Variants in SPOPL observed in about 807,000 individuals in gnomAD.
The protein encoded by SPOPL is speckle-type POZ protein-like.
In SPOPL, 23 loss-of-function variants were observed where a neutral mutation model predicts 53.8. The observed-to-expected ratio is 0.43, with a 90% confidence interval of 0.31 to 0.61. The LOEUF is 0.61. Among genes scored for constraint, SPOPL ranks in the 20% least tolerant of loss-of-function variants. The pLI is 0.12. For missense variants in SPOPL, 442 were observed against 466.9 expected, an observed-to-expected ratio of 0.95 and a Z score of 0.49; for synonymous variants, 164 against 149.7, an observed-to-expected ratio of 1.10 and a Z score of -0.70.
At chr2:138,503,716 AAAC>A (rs1306367492) in intron 1 of SPOPL, among the ~76,000 whole-genome samples, 2 of 152,196 alleles carry the variant, frequency 1.3e-5, no homozygotes, top group Non-Finnish European at 2.9e-5. Context: ...TTTTGAGAAT[AAAC>A]AAAGTGAAAG....
In SPOPL at chr2:138,568,929, T is replaced by C; in HGVS notation, c.1035-7T>C. The C allele has an allele frequency of 1.9e-6, 3 of 1,613,560 alleles. No individual in the cohort carries two copies. Among genetic ancestry groups the C allele is most frequent in the Non-Finnish European group, 2.5e-6 (3 of 1,179,730 alleles). The stretch of plus-strand genomic sequence containing the variant: ...TTTAGTAAATATCTTTTAATTCTAT[T>C]TTTCAGCCAAGCAACCGACATAATG... On this transcript the variant is annotated splice_region_variant and splice_polypyrimidine_tract_variant and intron_variant, in intron 10 of 10. Coordinates refer to ENST00000280098, the MANE Select transcript of SPOPL (RefSeq NM_001001664.3).
At chr2:138,519,676 G>T (rs1684516452) in intron 1 of SPOPL, among the ~76,000 whole-genome samples, 1 of 152,098 alleles carries the variant, frequency 6.6e-6, no homozygotes, top group South Asian at 2.1e-4. Flanking sequence ...CACCTGTAGT[G>T]CCAGCTACAT....
intron 1 of SPOPL, among the ~76,000 whole-genome samples, chr2:138,512,636 T>C (rs1328615602): frequency 6.6e-6 from 1 of 152,142 alleles, no homozygotes; most frequent in African/African-American, 2.4e-5. Context: ...AAATATAATA[T>C]TTTCGTATAC....
At chr2:138,510,434 T>C (rs192558359) in intron 1 of SPOPL, among the ~76,000 whole-genome samples, 2 of 152,364 alleles carry the variant, frequency 1.3e-5, no homozygotes, top group South Asian at 2.1e-4. Context: ...TTATGTCTAG[T>C]TGATTGATAG....
At position 138,541,516 on chromosome 2, in the gene SPOPL, C is replaced by G. The variant is rs190844999; in HGVS notation, c.-60-8641C>G. On this transcript the variant is annotated intron_variant, in intron 1 of 10. Transcript: ENST00000280098. ...AATTCATCCATTTCTTCTAGATTTT[C>G]TAGTTTATTTGCATAGAGGTGTTTA... Among the ~76,000 whole-genome samples the G allele has an allele frequency of 4.4e-3, 672 of 152,282 alleles. 6 individuals carry two copies. Among genetic ancestry groups the G allele is most frequent in the Non-Finnish European group, 5.8e-3 (396 of 68,036 alleles).
At chr2:138,561,056 A>C (rs573206694) in intron 8 of SPOPL, 129 bp downstream of exon 8, 5 of 1,123,858 alleles carry the variant, frequency 4.4e-6, no homozygotes, top group Non-Finnish European at 6.3e-6. Flanking sequence ...ATGAAATAGC[A>C]TACAGTGGGG....
rs531909777 is a variant in SPOPL, at chr2:138,572,957, G to A, written c.*3877G>A. ...GTTTATCATTGTATACTGTAACCCA[G>A]TAAATTTTGCATTCAGTTTTAAAAA... On this transcript the variant is annotated 3_prime_UTR_variant, in exon 11 of 11. Coordinates refer to ENST00000280098, the MANE Select transcript of SPOPL (RefSeq NM_001001664.3). 6.6e-5 allele frequency: 10 copies of A among 152,344 alleles called. No homozygotes were observed. Among genetic ancestry groups the A allele is most frequent in the Admixed American group, 1.3e-4 (2 of 15,258 alleles). 9.4% of individuals were successfully genotyped at this position (152,344 alleles called of 1,614,324 possible). A position where few individuals can be genotyped will look rare whatever the true frequency, so the allele number is the denominator to read the frequency against.
chr2:138,555,131 G>GGT (rs61000380), intron 5 of SPOPL, among the ~76,000 whole-genome samples: 26,539 of 139,974 alleles, frequency 0.19, 2,711 homozygotes, highest in South Asian at 0.23. Flanking sequence ...AGGGTAGGAG[G>GGT]GTGTGTGTGT....
chr2:138,507,530 G>C (rs1684240545), intron 1 of SPOPL, among the ~76,000 whole-genome samples: 1 of 152,234 alleles, frequency 6.6e-6, no homozygotes, highest in Admixed American at 6.5e-5. Flanking sequence ...AATGACCCTT[G>C]AGCAGAGTGT....
intron 5 of SPOPL, among the ~76,000 whole-genome samples, chr2:138,558,335 A>T (rs1178641107): frequency 1.3e-5 from 2 of 152,176 alleles, no homozygotes; most frequent in Non-Finnish European, 2.9e-5. Context: ...ATTATTTCTT[A>T]AGTAAATAAA....
intron 1 of SPOPL, among the ~76,000 whole-genome samples, chr2:138,536,304 G>C (rs1357184786): frequency 1.3e-5 from 2 of 151,158 alleles, no homozygotes; most frequent in Non-Finnish European, 2.9e-5. Context: ...TGCTTATTTT[G>C]TTTATGGACT....
At position 138,517,326 on chromosome 2, in the gene SPOPL, G is replaced by A. The variant is rs549499182; in HGVS notation, c.-61+15207G>A. Among the ~76,000 whole-genome samples, 11 of 152,286 alleles carry A rather than the reference G, an allele frequency of 7.2e-5. 1 individual carries two copies. In the South Asian group the frequency reaches 2.3e-3, roughly 32 times the overall value. ...AACTTCCGACAATTATTACACCTCTGATCTCTGACTGCTGCTTACTTTGTT... is the reference window on the plus strand; with the variant it reads ...AACTTCCGACAATTATTACACCTCTAATCTCTGACTGCTGCTTACTTTGTT... On this transcript the variant is annotated intron_variant, in intron 1 of 10. Transcript: ENST00000280098.
chr2:138,529,533 TGTTTGCG>T (rs1684757722), intron 1 of SPOPL, among the ~76,000 whole-genome samples: 1 of 89,242 alleles, frequency 1.1e-5, no homozygotes, highest in Non-Finnish European at 2.8e-5. Flanking sequence ...TGTGTGTGTG[TGTTTGCG>T]TGCGCGCGCG....
At chr2:138,536,415 T>A (rs1172064818) in intron 1 of SPOPL, among the ~76,000 whole-genome samples, 1 of 152,048 alleles carries the variant, frequency 6.6e-6, no homozygotes, top group Non-Finnish European at 1.5e-5. Flanking sequence ...GCCTTGGGTA[T>A]TCCCAGTTAC....
At chr2:138,534,254 CAACT>C (rs376381093) in intron 1 of SPOPL, among the ~76,000 whole-genome samples, 174 of 151,970 alleles carry the variant, frequency 1.1e-3, no homozygotes, top group African/African-American at 4.0e-3. Flanking sequence ...AGGATTCAAC[CAACT>C]GTGGATCAAA....
At chr2:138,552,138 G>A (rs992726704) in intron 4 of SPOPL, among the ~76,000 whole-genome samples, 2 of 151,986 alleles carry the variant, frequency 1.3e-5, no homozygotes. Flanking sequence ...ATCCATTTTT[G>A]AAGGGAGAAG....
intron 1 of SPOPL, among the ~76,000 whole-genome samples, chr2:138,537,514 G>A (rs1643421456): frequency 6.6e-6 from 1 of 152,192 alleles, no homozygotes; most frequent in South Asian, 2.1e-4. Context: ...GCATCGGGCT[G>A]TCTGCCTGTG....
intron 1 of SPOPL, among the ~76,000 whole-genome samples, chr2:138,532,510 T>C (rs1206596599): frequency 7.0e-5 from 10 of 143,798 alleles, no homozygotes; most frequent in South Asian, 2.3e-4. Flanking sequence ...CACTGCAAGC[T>C]CTGCCTCCCG....
chr2:138,560,762 CTTTTT>C (rs35560905), intron 7 of SPOPL, 38 bp from the exon 8 acceptor site: 1 of 1,329,908 alleles, frequency 7.5e-7, no homozygotes, highest in African/African-American at 1.6e-5. Flanking sequence ...TTTGTGTGTA[CTTTTT>C]TTTTTTTTAA....
Sources: gnomAD v4.1 joint callset for allele counts (sites outside exome capture counted in the v4.1 genomes callset) on GRCh38, gnomAD v4.1.1 for gene constraint, MANE v1.5 for transcripts, NCBI Gene and HGNC (gene_info 2026-07-23, HGNC 2026-07-21) for gene names.